The following ARVCF variants were observed in gnomAD, a reference collection of about 807,000 sequenced individuals.
The protein encoded by ARVCF is ARVCF delta catenin family member.
Under a neutral mutation model 90.9 loss-of-function variants are expected in ARVCF, and 66 were observed. The observed-to-expected ratio is 0.73, with a 90% confidence interval of 0.60 to 0.89. The LOEUF (loss-of-function observed/expected upper bound fraction) is 0.89. Ranked by LOEUF, ARVCF falls within the 40% of genes least tolerant of loss-of-function variation. ARVCF has a pLI of 0.00. For synonymous variants in ARVCF, 653 were observed against 603.4 expected, an observed-to-expected ratio of 1.08 and a Z score of -1.21; for missense variants, 1,469 against 1,382.3, an observed-to-expected ratio of 1.06 and a Z score of -1.00.
intron 2 of ARVCF, among the ~76,000 whole-genome samples, chr22:20,005,900 A>C (rs1944607813): frequency 6.6e-6 from 1 of 152,236 alleles, no homozygotes; most frequent in African/African-American, 2.4e-5. Context: ...AAGCAACCCA[A>C]GTGTCCACCA....
chr22:20,010,104 C>T (rs1000082916), intron 2 of ARVCF, among the ~76,000 whole-genome samples: 20 of 152,182 alleles, frequency 1.3e-4, no homozygotes, highest in Admixed American at 7.2e-4. Context: ...GATGCCACTG[C>T]GGCTGGCATC....
At chr22:19,992,601 G>A (rs561503256) in intron 2 of ARVCF, among the ~76,000 whole-genome samples, 141 of 152,348 alleles carry the variant, frequency 9.3e-4, no homozygotes, top group African/African-American at 3.3e-3. Context: ...CCTCAGCCCA[G>A]TCCTGGCTGC....
In ARVCF at chr22:19,979,996, G is replaced by A. The variant is rs764617393; in HGVS notation, c.1143C>T (p.Tyr381=). 12 of 1,595,206 alleles carry A rather than the reference G, an allele frequency of 7.5e-6. No homozygotes were observed. The highest frequency in any genetic ancestry group is 5.4e-5 in the African/African-American group (4 of 74,604). The change falls in exon 6 of 20, where the codon TAC becomes TAT. Residue 381 remains tyrosine (Y), a synonymous_variant. Transcript: ENST00000263207. ...CGTTCTCAAAGCACAGATGCTGCAG[G>A]TAGGCGGCCGCATTGGCCTTCACGG... ...VDPVKANAAA[Y]LQHLCFENEG...
At chr22:19,988,758 C>T (rs965556506) in intron 3 of ARVCF, among the ~76,000 whole-genome samples, 3 of 152,242 alleles carry the variant, frequency 2.0e-5, no homozygotes, top group Admixed American at 6.5e-5. Flanking sequence ...CCCAAGGAGG[C>T]CCTGCCTCCC....
downstream of ARVCF, chr22:19,968,670 C>G: frequency 1.2e-6 from 2 of 1,613,986 alleles, no homozygotes; most frequent in Non-Finnish European, 1.7e-6. Flanking sequence ...TCCTGGAATA[C>G]AGGGAGGTGG....
At chr22:19,979,616 G>T in intron 6 of ARVCF, 127 bp downstream of exon 6, 2 of 1,371,478 alleles carry the variant, frequency 1.5e-6, no homozygotes, top group Non-Finnish European at 1.9e-6. Flanking sequence ...AAGCGTCTCA[G>T]CAGCTGCACT....
Position 19,971,259 on chromosome 22 carries a change from G to A in ARVCF, c.2858C>T (p.Ala953Val), listed in dbSNP as rs1569143154. The A allele has an allele frequency of 1.3e-6, 2 of 1,556,168 alleles. No individual in the cohort carries two copies. The highest frequency in any genetic ancestry group is 1.9e-5 in the Admixed American group (1 of 51,752). ...AVRLVDAVGD[A>V]KPQPVDSWV ...CCAGGAATCAACGGGCTGAGGCTTA[G>A]CGTCCCCTACGGCGTCCACCAGCCT... The change falls in exon 19 of 20, where the codon GCT (alanine) becomes GTT (valine). Residue 953 changes from alanine to valine, a missense_variant. Transcript: ENST00000263207.
At chr22:19,985,552 G>T (rs376909770) in intron 3 of ARVCF, among the ~76,000 whole-genome samples, 1 of 152,234 alleles carries the variant, frequency 6.6e-6, no homozygotes, top group South Asian at 2.1e-4. Context: ...GGCTGGGGTC[G>T]TGGGACGTGC....
chr22:19,975,876 T>C (rs771140553), intron 10 of ARVCF, 119 bp from the exon 11 acceptor site: 30 of 964,668 alleles, frequency 3.1e-5, no homozygotes, highest in Non-Finnish European at 4.3e-5. Flanking sequence ...TGTCCAGGCC[T>C]GGGCACCTGT....
intron 1 of ARVCF, 70 bp from the exon 2 acceptor site, chr22:20,010,578 C>T (rs1944790354): frequency 1.3e-5 from 2 of 152,202 alleles, no homozygotes; most frequent in African/African-American, 4.8e-5. Context: ...TAAAGGTACA[C>T]AAGCCCAGAC....
intron 2 of ARVCF, among the ~76,000 whole-genome samples, chr22:20,004,002 G>A (rs1032258327): frequency 6.6e-6 from 1 of 152,040 alleles, no homozygotes; most frequent in African/African-American, 2.4e-5. Flanking sequence ...TCTATTAGAT[G>A]TAAAAAATGA....
intron 11 of ARVCF, 136 bp from the exon 12 acceptor site, chr22:19,974,375 T>G (rs1043157050): frequency 2.6e-5 from 28 of 1,079,104 alleles, no homozygotes; most frequent in Middle Eastern, 4.3e-4. Context: ...AGTCACGTAA[T>G]ATTTACTATC....
At chr22:19,998,677 A>C (rs1944340966) in intron 2 of ARVCF, among the ~76,000 whole-genome samples, 1 of 152,142 alleles carries the variant, frequency 6.6e-6, no homozygotes, top group African/African-American at 2.4e-5. Context: ...GGAAAACAGC[A>C]CTGGCAGGGG....
chr22:20,010,150 G>A (rs1944774235), intron 2 of ARVCF, among the ~76,000 whole-genome samples: 1 of 152,192 alleles, frequency 6.6e-6, no homozygotes, highest in Non-Finnish European at 1.5e-5. Flanking sequence ...CCCAGTGAAT[G>A]TCCAAACCAA....
rs116249498 is a variant in ARVCF, at chr22:19,975,735, G to C, written c.1911C>G (p.Asp637Glu). 2 of 1,613,640 alleles carry C rather than the reference G, an allele frequency of 1.2e-6. No individual in the cohort carries two copies. The highest frequency in any genetic ancestry group is 8.5e-7 in the Non-Finnish European group (1 of 1,179,970). ...FHQGKKDGEM[D>E]RNFDTLDLPK... ...GCAGGTCTAGCGTGTCAAAGTTCCG[G>C]TCCATCTCACCATCCTTCTTTCCTG... Residue 637 changes from aspartate to glutamate, a missense_variant, in exon 11 of 20, where the codon GAC (aspartate) becomes GAG (glutamate). Physicochemically the swap from Asp to Glu is conservative, Grantham distance 45. Coordinates refer to ENST00000263207, the MANE Select transcript of ARVCF (RefSeq NM_001670.3).
chr22:19,974,253 A>G lies in ARVCF; in HGVS notation c.1961-14T>C. ...GCAGCTCAAAGCCTAGGTGCAGGGC[A>G]ACCGCCACCCACGGTCACCCAGAAT... On this transcript the variant is annotated splice_polypyrimidine_tract_variant and intron_variant, in intron 11 of 19. Coordinates refer to ENST00000263207, the MANE Select transcript of ARVCF (RefSeq NM_001670.3). 6.3e-7 allele frequency: 1 copy of G among 1,592,440 alleles called. No homozygotes were observed.
chr22:19,967,255 AG>A (rs1942454625), downstream of ARVCF: 2 of 1,284,162 alleles, frequency 1.6e-6, no homozygotes, highest in Admixed American at 2.3e-5. Context: ...CAACCCGAGA[AG>A]TCCAGGAGCC....
At chr22:19,980,394 A>G in intron 5 of ARVCF, 152 bp from the exon 6 acceptor site, 5 of 1,196,444 alleles carry the variant, frequency 4.2e-6, no homozygotes, top group Non-Finnish European at 5.5e-6. Flanking sequence ...TGGTGGGGAC[A>G]CAGAGAGTCA....
chr22:20,008,542 C>T (rs1277761897), intron 2 of ARVCF, among the ~76,000 whole-genome samples: 1 of 152,246 alleles, frequency 6.6e-6, no homozygotes, highest in Non-Finnish European at 1.5e-5. Context: ...CCTGATGTGC[C>T]TGTGATGCCC....
Sources: gnomAD v4.1 joint callset for allele counts (sites outside exome capture counted in the v4.1 genomes callset) on GRCh38, gnomAD v4.1.1 for gene constraint, MANE v1.5 for transcripts, NCBI Gene and HGNC (gene_info 2026-07-23, HGNC 2026-07-21) for gene names.